Variants in FSD2 observed in about 807,000 individuals in gnomAD.
FSD2 encodes fibronectin type III and SPRY domain-containing protein 2.
A neutral mutation model predicts 80.4 loss-of-function variants in FSD2; 71 were observed. The observed-to-expected ratio is 0.88, with a 90% CI of 0.73 to 1.08. FSD2 has a LOEUF of 1.08. Among genes scored for constraint, FSD2 ranks in the 50% least tolerant of loss-of-function variants. The pLI is 0.00. For missense variants in FSD2, 923 were observed against 913.8 expected (o/e 1.01, Z -0.13); for synonymous variants, 361 against 329.5 (o/e 1.10, Z -1.03).
At chr15:82,795,696 G>A in intron 1 of FSD2, among the ~76,000 whole-genome samples, 1 of 152,114 alleles carries the variant, frequency 6.6e-6, no homozygotes, top group Non-Finnish European at 1.5e-5. Context: ...GCCAGGCGTG[G>A]TGGCACACGC....
chr15:82,781,781 C>T (rs1455546712), intron 4 of FSD2, among the ~76,000 whole-genome samples: 3 of 151,966 alleles, frequency 2.0e-5, no homozygotes, highest in Non-Finnish European at 2.9e-5. Context: ...CACTCTTGGC[C>T]GGGCGCGGTG....
At position 82,762,114 on chromosome 15, in the gene FSD2, A is replaced by T; in HGVS notation, c.1985T>A (p.Phe662Tyr). The change falls in exon 12 of 13, where the codon TTT (phenylalanine) becomes TAT (tyrosine). Residue 662 changes from phenylalanine to tyrosine, a missense_variant. Physicochemically the swap from Phe to Tyr is conservative, Grantham distance 22. Coordinates refer to ENST00000334574, the MANE Select transcript of FSD2 (RefSeq NM_001007122.4). Reference sequence around the variant, plus strand: ...GATTTTACTTTACCTTGATGATGCAAATGTGTGCCTCATGCACCAGGAGAG... The same window carrying T: ...GATTTTACTTTACCTTGATGATGCATATGTGTGCCTCATGCACCAGGAGAG... ...NCLSWCMRHT[F>Y]ASSRHKYEFL... 1 of 1,599,998 alleles carries T rather than the reference A, an allele frequency of 6.3e-7. No homozygotes were observed. The highest frequency in any genetic ancestry group is 8.5e-7 in the Non-Finnish European group (1 of 1,173,264).
At chr15:82,765,765 C>G (rs1386924595) in intron 10 of FSD2, 133 bp downstream of exon 10, 1 of 1,140,750 alleles carries the variant, frequency 8.8e-7, no homozygotes, top group East Asian at 2.6e-5. Flanking sequence ...CCCCTGAACT[C>G]CTTCTGGCCT....
At chr15:82,782,104 T>TAATAAAA (rs749972634) in intron 4 of FSD2, among the ~76,000 whole-genome samples, 59 of 118,934 alleles carry the variant, frequency 5.0e-4, no homozygotes, top group African/African-American at 1.8e-3. Context: ...ATAATAATAA[T>TAATAAAA]AAAACTCTTG....
In FSD2 at chr15:82,782,958, T is replaced by A. The variant is rs756881525; in HGVS notation, c.803A>T (p.Gln268Leu). Residue 268 changes from glutamine to leucine, a missense_variant, in exon 4 of 13, where the codon CAA becomes CTA. By Grantham distance (113) the Gln-to-Leu change is moderately radical (BLOSUM62 -2). Coordinates refer to ENST00000334574, the MANE Select transcript of FSD2 (RefSeq NM_001007122.4). ...AGCTTGTATTTTTTCCTCATATTTT[T>A]GAGCAAGTGTTTCCAAGATCTCGTT... ...HYNEILETLAQKYEEKIQALG... is the reference protein window; with the variant it reads ...HYNEILETLALKYEEKIQALG... The A allele has an allele frequency of 1.9e-6, 3 of 1,613,928 alleles. No individual in the cohort carries two copies. Among genetic ancestry groups the A allele is most frequent in the Non-Finnish European group, 2.5e-6 (3 of 1,179,876 alleles).
At chr15:82,779,664 CAAA>C (rs1165686952) in intron 5 of FSD2, among the ~76,000 whole-genome samples, 10 of 97,924 alleles carry the variant, frequency 1.0e-4, no homozygotes, top group Admixed American at 1.1e-4. Flanking sequence ...GAAACTGTCT[CAAA>C]AAAAAAAAAA....
chr15:82,786,892 G>A lies in FSD2; in HGVS notation c.499C>T (p.Pro167Ser), dbSNP rs757320470. 6.2e-6 allele frequency: 10 copies of A among 1,613,788 alleles called. No homozygotes were observed. Among genetic ancestry groups the A allele is most frequent in the South Asian group, 1.1e-5 (1 of 91,086 alleles). ...GCTTCTTCTTCATCCTCTTCCTCGG[G>A]GATGACATAGCATTCATACTCCTCG... ...ASEEYECYVIPEEEDEEEAAD... is the reference protein window; with the variant it reads ...ASEEYECYVISEEEDEEEAAD... The change falls in exon 2 of 13, where the codon CCC (proline) becomes TCC (serine). Residue 167 changes from proline (P) to serine (S), a missense_variant. By Grantham distance (74) the Pro-to-Ser change is moderately conservative. Coordinates refer to ENST00000334574, the MANE Select transcript of FSD2 (RefSeq NM_001007122.4).
At chr15:82,764,086 C>G (rs2049352108) in intron 11 of FSD2, among the ~76,000 whole-genome samples, 1 of 152,176 alleles carries the variant, frequency 6.6e-6, no homozygotes, top group Non-Finnish European at 1.5e-5. Context: ...TGGTGGGAGA[C>G]CTGGGTCCTT....
At chr15:82,800,173 C>T (rs2050376369) in intron 1 of FSD2, among the ~76,000 whole-genome samples, 1 of 152,160 alleles carries the variant, frequency 6.6e-6, no homozygotes, top group African/African-American at 2.4e-5. Context: ...GCCCTTATGG[C>T]CTGGACCTCC....
chr15:82,765,360 G>C lies in FSD2; in HGVS notation c.1688-62C>G, dbSNP rs2049391438. 4 of 1,607,086 alleles carry C rather than the reference G, an allele frequency of 2.5e-6. No individual in the cohort carries two copies. In the East Asian group the frequency reaches 8.9e-5, roughly 36 times the overall value. On this transcript the variant is annotated intron_variant, in intron 10 of 12. Coordinates refer to ENST00000334574, the MANE Select transcript of FSD2 (RefSeq NM_001007122.4). ...ATCACTTGCTTTCTCCATGTGGGCG[G>C]TGGTCACCGGTTTAGCTTCGTGTGG...
Position 82,785,324 on chromosome 15 carries a change from T to TTTA in FSD2, c.735+1184_735+1186dup, listed in dbSNP as rs531974672. 1.2e-3 allele frequency among the ~76,000 whole-genome samples: 142 copies of TTTA among 115,122 alleles called. No homozygotes were observed. In the South Asian group the frequency reaches 0.019, roughly 15 times the overall value. The allele number at this position is 115,122 out of a possible 152,430, so 75.5% of individuals were successfully genotyped here. On this transcript the variant is annotated intron_variant, in intron 3 of 12. Coordinates refer to ENST00000334574, the MANE Select transcript of FSD2 (RefSeq NM_001007122.4). Reference sequence around the variant, plus strand: ...CATTATTTATTTATTTATTTATTTATTTATTTATTTATTTATTTGAGATGG... The same window carrying TTTA: ...CATTATTTATTTATTTATTTATTTATTTATTATTTATTTATTTATTTGAGATGG...
intron 1 of FSD2, among the ~76,000 whole-genome samples, chr15:82,798,473 T>TA (rs1317148634): frequency 6.6e-6 from 1 of 152,164 alleles, no homozygotes; most frequent in East Asian, 1.9e-4. Flanking sequence ...CTACCCCCAT[T>TA]AAAAAATTGT....
intron 3 of FSD2, among the ~76,000 whole-genome samples, 197 bp downstream of exon 3, chr15:82,786,314 T>C (rs1257880884): frequency 6.6e-6 from 1 of 152,180 alleles, no homozygotes; most frequent in East Asian, 1.9e-4. Context: ...CAGGGAATGC[T>C]GACAGGTAAT....
At position 82,759,549 on chromosome 15, in the gene FSD2, T is replaced by C. The variant is rs1289136504; in HGVS notation, c.2049A>G (p.Thr683=). Residue 683 remains threonine, a synonymous_variant, in exon 13 of 13, where the codon ACA becomes ACG. Transcript: ENST00000334574. ...HNRTTPDIRI[T]VPPKKIGILL... ...GAATGCCAATCTTCTTTGGTGGAAC[T>C]GTTATTCTTATATCTGGAGTTGTTC... 6.2e-7 allele frequency: 1 copy of C among 1,605,186 alleles called. No homozygotes were observed. Among genetic ancestry groups the C allele is most frequent in the Non-Finnish European group, 8.5e-7 (1 of 1,175,144 alleles).
In FSD2 at chr15:82,756,234, CT is replaced by C. The variant is rs2049175745; in HGVS notation, c.*3113del. ...TTTTCTTGGTAAGTTGAGGAGAGGACTTTTCTTATAGTGCAGTCTGGTAGCT... is the reference window on the plus strand; with the variant it reads ...TTTTCTTGGTAAGTTGAGGAGAGGACTTTCTTATAGTGCAGTCTGGTAGCT... On this transcript the variant is annotated 3_prime_UTR_variant, in exon 13 of 13. Transcript: ENST00000334574. 2 of 258,690 alleles carry C rather than the reference CT, an allele frequency of 7.7e-6. No homozygotes were observed. The highest frequency in any genetic ancestry group is 4.8e-5 in the Admixed American group (1 of 20,816). 16.0% of individuals were successfully genotyped at this position (258,690 alleles called of 1,614,324 possible). A position where few individuals can be genotyped will look rare whatever the true frequency, so the allele number is the denominator to read the frequency against.
chr15:82,790,189 G>GACA (rs72034718), intron 1 of FSD2, among the ~76,000 whole-genome samples: 23,313 of 151,428 alleles, frequency 0.15, 1,950 homozygotes, highest in Non-Finnish European at 0.18. Context: ...CAACAACAAC[G>GACA]ACAACAACAA....
chr15:82,799,897 C>G (rs138458193), intron 1 of FSD2, among the ~76,000 whole-genome samples: 1 of 152,208 alleles, frequency 6.6e-6, no homozygotes, highest in African/African-American at 2.4e-5. Flanking sequence ...GGATGCCCAG[C>G]TGGCCCGTGA....
At chr15:82,805,189 G>C (rs34109312) in intron 1 of FSD2, among the ~76,000 whole-genome samples, 33 of 137,564 alleles carry the variant, frequency 2.4e-4, no homozygotes, top group African/African-American at 7.4e-4. Flanking sequence ...ATGTTGCCCA[G>C]ACTGGTCTTG....
intron 1 of FSD2, among the ~76,000 whole-genome samples, chr15:82,801,506 CT>C (rs762418785): frequency 6.6e-5 from 10 of 152,124 alleles, no homozygotes; most frequent in Non-Finnish European, 1.5e-4. Flanking sequence ...CCCTGGGGAC[CT>C]TCTCTCTTCT....
Sources: allele counts gnomAD v4.1 joint callset (sites outside exome capture counted in the v4.1 genomes callset), GRCh38; gene constraint gnomAD v4.1.1; transcripts MANE v1.5; gene names NCBI Gene and HGNC (gene_info 2026-07-23, HGNC 2026-07-21).